The following GRM8 variants were observed in gnomAD, a reference collection of about 807,000 sequenced individuals.
GRM8 encodes the protein metabotropic glutamate receptor 8.
Under a neutral mutation model 87.2 loss-of-function variants are expected in GRM8, and 47 were observed. The observed-to-expected ratio is 0.54, with a 90% confidence interval of 0.43 to 0.69. The LOEUF is 0.69. Ranked by LOEUF, GRM8 falls within the 30% of genes least tolerant of loss-of-function variation. The pLI, the probability that GRM8 is intolerant of heterozygous loss-of-function variation, is 0.00. For synonymous variants in GRM8, 396 were observed against 404.5 expected (o/e 0.98, Z 0.25); for missense variants, 1,019 against 1,139.2 (o/e 0.89, Z 1.52).
At chr7:126,643,715 C>T (rs1802727102) in intron 7 of GRM8, among the ~76,000 whole-genome samples, 1 of 152,100 alleles carries the variant, frequency 6.6e-6, no homozygotes, top group Admixed American at 6.6e-5. Flanking sequence ...GTTTAATATC[C>T]AGCAGTATCT....
intron 7 of GRM8, among the ~76,000 whole-genome samples, chr7:126,627,339 C>T (rs1800807031): frequency 6.6e-6 from 1 of 152,144 alleles, no homozygotes. Flanking sequence ...CTAAACATCC[C>T]ACAAGGCACA....
intron 8 of GRM8, among the ~76,000 whole-genome samples, chr7:126,574,565 T>C (rs1026641692): frequency 2.6e-5 from 4 of 152,218 alleles, no homozygotes; most frequent in African/African-American, 7.2e-5. Context: ...AGCTACATCT[T>C]CAGGACTGAG....
At chr7:126,663,782 TCCTAGTCAGA>T (rs984139801) in intron 7 of GRM8, among the ~76,000 whole-genome samples, 22 of 152,262 alleles carry the variant, frequency 1.4e-4, no homozygotes, top group African/African-American at 5.1e-4. Flanking sequence ...GTACTGGAAT[TCCTAGTCAGA>T]GCAACCAGGC....
chr7:126,456,821 T>C (rs1803298996), intron 9 of GRM8, among the ~76,000 whole-genome samples: 1 of 151,522 alleles, frequency 6.6e-6, no homozygotes, highest in South Asian at 2.1e-4. Context: ...AATAACAATA[T>C]ATATAACATC....
rs1459051987 is a variant in GRM8 at position 126,964,741 on chromosome 7, G to A, written c.728-60058C>T. Among the ~76,000 whole-genome samples, 5 of 152,210 alleles carry A rather than the reference G, an allele frequency of 3.3e-5. 1 individual carries two copies. The highest frequency in any genetic ancestry group is 6.5e-5 in the Admixed American group (1 of 15,280). On this transcript the variant is annotated intron_variant, in intron 3 of 10. Transcript: ENST00000339582. ...GTAAATTAGTTCAACCATTGTGGAA[G>A]ACAGTGTGGCAATTCCTCAAGGATC...
At chr7:126,767,585 T>G (rs1366234499) in intron 7 of GRM8, among the ~76,000 whole-genome samples, 1 of 152,128 alleles carries the variant, frequency 6.6e-6, no homozygotes, top group African/African-American at 2.4e-5. Flanking sequence ...AGTTAATGAT[T>G]TCATCCTTTA....
chr7:126,817,579 A>C (rs1227573817), intron 6 of GRM8, among the ~76,000 whole-genome samples: 2 of 152,196 alleles, frequency 1.3e-5, no homozygotes, highest in African/African-American at 2.4e-5. Context: ...TACAGTTACC[A>C]GTAAATTTAG....
At chr7:127,130,894 T>G (rs1384637122) in intron 2 of GRM8, among the ~76,000 whole-genome samples, 3 of 152,218 alleles carry the variant, frequency 2.0e-5, no homozygotes, top group Admixed American at 2.0e-4. Context: ...GCCATGATTG[T>G]AAGTTTCCTG....
chr7:126,765,094 A>G (rs1003795996), intron 7 of GRM8, among the ~76,000 whole-genome samples: 7 of 151,868 alleles, frequency 4.6e-5, no homozygotes, highest in African/African-American at 1.7e-4. Flanking sequence ...ATGAGATTCA[A>G]GCTTCCAAGA....
intron 3 of GRM8, among the ~76,000 whole-genome samples, chr7:127,097,144 T>G (rs1226212997): frequency 5.9e-5 from 9 of 152,140 alleles, no homozygotes. Context: ...AAATCAGCAC[T>G]ACAATCAGAG....
intron 2 of GRM8, among the ~76,000 whole-genome samples, chr7:127,140,330 T>G (rs1828193560): frequency 6.6e-6 from 1 of 152,142 alleles, no homozygotes. Flanking sequence ...AACCAAAAAA[T>G]GTCTCCAGAC....
Position 126,770,013 on chromosome 7 carries a change from T to C in GRM8, c.1209A>G (p.Gln403=), listed in dbSNP as rs1166235385. 9 of 1,612,814 alleles carry C rather than the reference T, an allele frequency of 5.6e-6. No homozygotes were observed. Among genetic ancestry groups the C allele is most frequent in the Non-Finnish European group, 7.6e-6 (9 of 1,179,290 alleles). ...TGGAATATACAGCATCAATTACAAA[T>C]TGGACCTTTCCTTCCTGTTCATAAG... The part of the protein sequence containing the change: ...DSSYEQEGKV[Q]FVIDAVYSMA... The change falls in exon 7 of 11, where the codon CAA becomes CAG. Residue 403 remains glutamine, a synonymous_variant. Coordinates refer to ENST00000339582, the MANE Select transcript of GRM8 (RefSeq NM_000845.3).
At chr7:126,589,617 C>A (rs1796484980) in intron 8 of GRM8, among the ~76,000 whole-genome samples, 2 of 152,190 alleles carry the variant, frequency 1.3e-5, no homozygotes, top group Non-Finnish European at 2.9e-5. Flanking sequence ...CCCTATACTA[C>A]CACGGCTCAT....
chr7:126,642,947 T>C (rs1488618798), intron 7 of GRM8, among the ~76,000 whole-genome samples: 1 of 152,124 alleles, frequency 6.6e-6, no homozygotes, highest in African/African-American at 2.4e-5. Flanking sequence ...ACAATTGTGT[T>C]TGGCACATAG....
At chr7:126,660,248 T>C (rs937773021) in intron 7 of GRM8, among the ~76,000 whole-genome samples, 8 of 152,322 alleles carry the variant, frequency 5.3e-5, no homozygotes, top group Middle Eastern at 3.4e-3. Flanking sequence ...TGATCTATGA[T>C]TAATCTGATC....
rs1815675713 is a variant in GRM8 at position 127,016,456 on chromosome 7, A to G, written c.727+90040T>C. Among the ~76,000 whole-genome samples the G allele has an allele frequency of 3.3e-5, 5 of 152,108 alleles. No individual in the cohort carries two copies. The South Asian group carries it at 1.0e-3, about 31-fold the overall frequency. ...TTGATGCTTGAATGACAAAGCAAGA[A>G]AAATGATATAAAATTGGGGAAATTA... is the stretch of plus-strand genomic sequence containing the variant. On this transcript the variant is annotated intron_variant, in intron 3 of 10. Coordinates refer to ENST00000339582, the MANE Select transcript of GRM8 (RefSeq NM_000845.3).
At chr7:126,925,025 G>A (rs1804949476) in intron 3 of GRM8, among the ~76,000 whole-genome samples, 1 of 151,988 alleles carries the variant, frequency 6.6e-6, no homozygotes, top group Admixed American at 6.6e-5. Flanking sequence ...GAAGGAAGAT[G>A]GTGGTTAATA....
At position 126,607,254 on chromosome 7, in the gene GRM8, T is replaced by C. The variant is rs912585461; in HGVS notation, c.1494+2108A>G. On this transcript the variant is annotated intron_variant, in intron 8 of 10. Transcript: ENST00000339582. ...GCACCTAGAAGTAGTAAAGTATTGA[T>C]ATGTGGCCTTACGTATCACTACAAT... is the stretch of plus-strand genomic sequence containing the variant. Among the ~76,000 whole-genome samples, 102 of 152,214 alleles carry C rather than the reference T, an allele frequency of 6.7e-4. 1 individual carries two copies. Among genetic ancestry groups the C allele is most frequent in the Non-Finnish European group, 1.0e-3 (69 of 68,030 alleles).
At chr7:127,194,544 T>C (rs1478341433) in intron 2 of GRM8, among the ~76,000 whole-genome samples, 3 of 152,152 alleles carry the variant, frequency 2.0e-5, no homozygotes, top group African/African-American at 7.2e-5. Flanking sequence ...ACCTTGCGGA[T>C]CCTAGGGCAT....
Sources: gnomAD v4.1 joint callset for allele counts (sites outside exome capture counted in the v4.1 genomes callset) on GRCh38, gnomAD v4.1.1 for gene constraint, MANE v1.5 for transcripts, NCBI Gene and HGNC (gene_info 2026-07-23, HGNC 2026-07-21) for gene names.